Variants in SLC44A5 observed in about 807,000 individuals in gnomAD.
SLC44A5 encodes solute carrier family 44 member 5.
In SLC44A5, 57 loss-of-function variants were observed where a neutral mutation model predicts 101.8. The ratio of observed to expected loss-of-function variants is 0.56; its 90% confidence interval spans 0.45 to 0.70. The LOEUF is 0.70. Ranked by LOEUF, SLC44A5 falls within the 30% of genes least tolerant of loss-of-function variation. The pLI is 0.00. For synonymous variants in SLC44A5, 281 were observed against 290.9 expected, an observed-to-expected ratio of 0.97 and a Z score of 0.35; for missense variants, 737 against 853.1, an observed-to-expected ratio of 0.86 and a Z score of 1.70.
chr1:75,432,342 C>A (rs1349162349), intron 2 of SLC44A5, among the ~76,000 whole-genome samples: 1 of 152,156 alleles, frequency 6.6e-6, no homozygotes, highest in Non-Finnish European at 1.5e-5. Context: ...TTTTCTGCAA[C>A]TCACACAGGG....
chr1:75,548,346 G>A (rs1218300158), intron 1 of SLC44A5, among the ~76,000 whole-genome samples: 1 of 152,080 alleles, frequency 6.6e-6, no homozygotes, highest in Non-Finnish European at 1.5e-5. Flanking sequence ...TACTTTAGAT[G>A]CTAACTTTAT....
chr1:75,324,930 C>T (rs1443685888), intron 4 of SLC44A5, among the ~76,000 whole-genome samples: 2 of 152,132 alleles, frequency 1.3e-5, no homozygotes, highest in African/African-American at 4.8e-5. Context: ...AGTTAAAGTG[C>T]TCTCACTATT....
intron 2 of SLC44A5, among the ~76,000 whole-genome samples, chr1:75,504,863 G>T (rs1480653091): frequency 6.6e-6 from 1 of 151,950 alleles, no homozygotes; most frequent in Non-Finnish European, 1.5e-5. Context: ...TTTTATTTTA[G>T]ATTCAAGGGA....
the SLC44A5 span, chr1:75,641,781 T>C: frequency 1.9e-6 from 3 of 1,566,114 alleles, no homozygotes; most frequent in Middle Eastern, 1.7e-4. Flanking sequence ...GGAAATCCTT[T>C]AGAGTGCAAA....
At chr1:75,386,963 G>A (rs1230628420) in intron 3 of SLC44A5, among the ~76,000 whole-genome samples, 8 of 151,838 alleles carry the variant, frequency 5.3e-5, no homozygotes, top group Admixed American at 1.3e-4. Flanking sequence ...ATGGGGAAAG[G>A]ATTCCCTATT....
chr1:75,583,559 C>A (rs193108556), intron 1 of SLC44A5, among the ~76,000 whole-genome samples: 1,791 of 152,280 alleles, frequency 0.012, 44 homozygotes, highest in African/African-American at 0.041. Flanking sequence ...CAGTCAAGGG[C>A]AGCTCTACTT....
At chr1:75,314,832 C>T (rs1655573271) in intron 4 of SLC44A5, among the ~76,000 whole-genome samples, 1 of 152,072 alleles carries the variant, frequency 6.6e-6, no homozygotes, top group Non-Finnish European at 1.5e-5. Context: ...AGTTAGTGTT[C>T]ACTAAGAGTT....
At chr1:75,325,414 T>A (rs1388744427) in intron 4 of SLC44A5, among the ~76,000 whole-genome samples, 2 of 152,204 alleles carry the variant, frequency 1.3e-5, no homozygotes, top group Non-Finnish European at 2.9e-5. Flanking sequence ...CATGTTATTA[T>A]TTATATGAAA....
chr1:75,233,353 G>T (rs944295323), intron 12 of SLC44A5, among the ~76,000 whole-genome samples: 1 of 151,930 alleles, frequency 6.6e-6, no homozygotes, highest in Non-Finnish European at 1.5e-5. Flanking sequence ...CCTTCCAGTC[G>T]TCAACCCTTC....
intron 4 of SLC44A5, among the ~76,000 whole-genome samples, chr1:75,322,041 T>C (rs1288650630): frequency 1.3e-5 from 2 of 152,128 alleles, no homozygotes; most frequent in Non-Finnish European, 2.9e-5. Flanking sequence ...AGGCCAGGTG[T>C]GGTGGCTCAC....
intron 7 of SLC44A5, among the ~76,000 whole-genome samples, chr1:75,248,277 T>A (rs1349865783): frequency 6.6e-6 from 1 of 152,064 alleles, no homozygotes; most frequent in Non-Finnish European, 1.5e-5. Context: ...TTGAAGAGGA[T>A]GAATGATCAA....
chr1:75,412,439 C>T (rs1403011855), intron 2 of SLC44A5, among the ~76,000 whole-genome samples: 1 of 152,118 alleles, frequency 6.6e-6, no homozygotes, highest in South Asian at 2.1e-4. Context: ...GATCGAACCT[C>T]AGAATCCTTC....
At chr1:75,591,643 C>T (rs190444081) in intron 1 of SLC44A5, among the ~76,000 whole-genome samples, 81 of 152,092 alleles carry the variant, frequency 5.3e-4, no homozygotes, top group African/African-American at 1.8e-3. Context: ...TACTAGCAAA[C>T]CAAACTCAAC....
chr1:75,498,654 G>T (rs2101832286), intron 2 of SLC44A5, among the ~76,000 whole-genome samples: 1 of 152,026 alleles, frequency 6.6e-6, no homozygotes, highest in African/African-American at 2.4e-5. Context: ...TCTCACTAAA[G>T]TCAGACATAC....
rs376643326 is a variant in SLC44A5, at chr1:75,394,482, CAA to C, written c.52+2099_52+2100del. Among the ~76,000 whole-genome samples, 58 of 151,822 alleles carry C rather than the reference CAA, an allele frequency of 3.8e-4. No homozygotes were observed. The South Asian group carries it at 9.0e-3, about 23-fold the overall frequency. On this transcript the variant is annotated intron_variant, in intron 3 of 23. Transcript: ENST00000370859. ...GTATTAAGGCATATTTACATGTAGG[CAA>C]GAGAGAGAGGGGATAATTGCAAGAG... is the stretch of plus-strand genomic sequence containing the variant.
the SLC44A5 span, among the ~76,000 whole-genome samples, chr1:75,672,106 C>T: frequency 2.6e-5 from 4 of 152,106 alleles, no homozygotes; most frequent in African/African-American, 4.8e-5. Context: ...ATAGTGCCTG[C>T]TTTTTGTTTC....
At chr1:75,477,720 C>T (rs539138803) in intron 2 of SLC44A5, among the ~76,000 whole-genome samples, 129 of 152,142 alleles carry the variant, frequency 8.5e-4, no homozygotes, top group Admixed American at 2.4e-3. Context: ...TAAAAAGAAA[C>T]GAACAAAGCC....
At chr1:75,450,217 T>A (rs1327761088) in intron 2 of SLC44A5, among the ~76,000 whole-genome samples, 3 of 152,130 alleles carry the variant, frequency 2.0e-5, no homozygotes, top group South Asian at 2.1e-4. Context: ...CTGTGACTCA[T>A]CTTTCCACTG....
At chr1:75,261,521 C>G (rs1650502787) in intron 6 of SLC44A5, among the ~76,000 whole-genome samples, 1 of 152,004 alleles carries the variant, frequency 6.6e-6, no homozygotes, top group Admixed American at 6.6e-5. Flanking sequence ...ATTGAGGCAG[C>G]AATTAATAGC....
Sources: gnomAD v4.1 joint callset for allele counts (sites outside exome capture counted in the v4.1 genomes callset) on GRCh38, gnomAD v4.1.1 for gene constraint, MANE v1.5 for transcripts, NCBI Gene and HGNC (gene_info 2026-07-23, HGNC 2026-07-21) for gene names.